The following BNC2 variants were observed in gnomAD, a reference collection of about 807,000 sequenced individuals.
BNC2 encodes the protein basonuclin zinc finger protein 2, also known as zinc finger protein basonuclin-2.
A neutral mutation model predicts 76.3 loss-of-function variants in BNC2; 20 were observed. The observed-to-expected ratio is 0.26, with a 90% CI of 0.18 to 0.38. The LOEUF (loss-of-function observed/expected upper bound fraction) is 0.38. Ranked by LOEUF, BNC2 falls within the 10% of genes least tolerant of loss-of-function variation. The pLI, the probability that BNC2 is intolerant of heterozygous loss-of-function variation, is 1.00. For missense variants in BNC2, 1,382 were observed against 1,399.8 expected, an observed-to-expected ratio of 0.99 and a Z score of 0.20; for synonymous variants, 582 against 514.8, an observed-to-expected ratio of 1.13 and a Z score of -1.77.
intron 1 of BNC2, among the ~76,000 whole-genome samples, chr9:16,819,280 A>C (rs1200372170): frequency 1.3e-5 from 2 of 152,226 alleles, no homozygotes; most frequent in Non-Finnish European, 1.5e-5. Flanking sequence ...TACTAGTTGG[A>C]AATGTGTCAT....
rs376130775 is a variant in BNC2, at chr9:16,835,729, A to G, written c.3+34917T>C. 4.5e-3 allele frequency among the ~76,000 whole-genome samples: 689 copies of G among 152,282 alleles called. 1 individual carries two copies. Among genetic ancestry groups the G allele is most frequent in the African/African-American group, 0.015 (623 of 41,564 alleles). ...GAAAAAATAAAAAATCGTGTACTTA[A>G]TATCTATCTAGCAGAAAACTATTGT... On this transcript the variant is annotated intron_variant, in intron 1 of 6. Transcript: ENST00000380672.
chr9:16,696,157 A>C lies in BNC2; in HGVS notation c.330+31640T>G, dbSNP rs116256994. 1.6e-3 allele frequency among the ~76,000 whole-genome samples: 237 copies of C among 152,260 alleles called. 1 individual carries two copies. Among genetic ancestry groups the C allele is most frequent in the African/African-American group, 5.6e-3 (232 of 41,554 alleles). On this transcript the variant is annotated intron_variant, in intron 3 of 6. Coordinates refer to ENST00000380672, the MANE Select transcript of BNC2 (RefSeq NM_017637.6). Reference sequence around the variant, plus strand: ...CTGACTTTATCATTCCATACTTGCCAACTAGTGCTATACACCACCCCTCCA... The same window carrying C: ...CTGACTTTATCATTCCATACTTGCCCACTAGTGCTATACACCACCCCTCCA...
chr9:16,694,003 G>C (rs1465803759), intron 3 of BNC2, among the ~76,000 whole-genome samples: 1 of 152,220 alleles, frequency 6.6e-6, no homozygotes, highest in Non-Finnish European at 1.5e-5. Flanking sequence ...AATGAGGAAA[G>C]AGACTGCCTT....
At chr9:16,790,159 G>GGA (rs1467344257) in intron 1 of BNC2, among the ~76,000 whole-genome samples, 20 of 152,206 alleles carry the variant, frequency 1.3e-4, no homozygotes, top group African/African-American at 4.3e-4. Context: ...ACCATGCCTG[G>GGA]CTAATTTTTT....
chr9:16,834,499 C>G (rs1818656866), intron 1 of BNC2, among the ~76,000 whole-genome samples: 1 of 152,192 alleles, frequency 6.6e-6, no homozygotes, highest in Non-Finnish European at 1.5e-5. Flanking sequence ...TACCAGCTGC[C>G]TGACCATAGC....
intron 5 of BNC2, among the ~76,000 whole-genome samples, chr9:16,539,260 C>T (rs1289242667): frequency 3.3e-5 from 5 of 151,972 alleles, no homozygotes; most frequent in Non-Finnish European, 4.4e-5. Context: ...CGTCTGTAAC[C>T]CCTAACCCCA....
chr9:16,468,460 A>G (rs927897172), intron 5 of BNC2, among the ~76,000 whole-genome samples: 2 of 151,850 alleles, frequency 1.3e-5, no homozygotes, highest in African/African-American at 4.8e-5. Flanking sequence ...CAGAGGCATG[A>G]TCTCGGCTCA....
At position 16,731,123 on chromosome 9, in the gene BNC2, A is replaced by G. The variant is rs549665605; in HGVS notation, c.130-3126T>C. 3.1e-4 allele frequency among the ~76,000 whole-genome samples: 47 copies of G among 152,344 alleles called. No homozygotes were observed. In the South Asian group the frequency reaches 9.3e-3, roughly 30 times the overall value. ...TTTACAGACACAGGTACAAAAAAAT[A>G]CACCTACAAGGCACAAATATGTCTT... On this transcript the variant is annotated intron_variant, in intron 2 of 6. Transcript: ENST00000380672.
intron 3 of BNC2, among the ~76,000 whole-genome samples, chr9:16,597,444 G>A (rs895425579): frequency 2.6e-5 from 4 of 152,080 alleles, no homozygotes; most frequent in African/African-American, 9.7e-5. Flanking sequence ...CTAATGGGGA[G>A]AGTACAAACC....
chr9:16,652,122 C>A (rs1232569277), intron 3 of BNC2, among the ~76,000 whole-genome samples: 1 of 152,152 alleles, frequency 6.6e-6, no homozygotes. Context: ...TCAGCTGTTT[C>A]TAACCTCAAA....
intron 3 of BNC2, among the ~76,000 whole-genome samples, chr9:16,646,197 A>C (rs1447831526): frequency 6.6e-6 from 1 of 152,216 alleles, no homozygotes; most frequent in Non-Finnish European, 1.5e-5. Context: ...AAGAATACCC[A>C]GAAGCCTGAG....
chr9:16,529,926 A>G (rs1817924525), intron 5 of BNC2, among the ~76,000 whole-genome samples: 1 of 152,114 alleles, frequency 6.6e-6, no homozygotes, highest in Non-Finnish European at 1.5e-5. Context: ...GCGGCTCACC[A>G]CAACCTCTGC....
At chr9:16,580,969 C>G (rs755231766) in intron 4 of BNC2, among the ~76,000 whole-genome samples, 12 of 152,142 alleles carry the variant, frequency 7.9e-5, no homozygotes, top group Non-Finnish European at 1.5e-4. Context: ...TCAGAACAGT[C>G]TACAACCAAA....
At chr9:16,536,022 C>A (rs1404187351) in intron 5 of BNC2, among the ~76,000 whole-genome samples, 1 of 152,108 alleles carries the variant, frequency 6.6e-6, no homozygotes, top group Non-Finnish European at 1.5e-5. Flanking sequence ...CATCCTAGAC[C>A]AACCAACCCC....
At chr9:16,498,709 C>A (rs7035687) in intron 5 of BNC2, among the ~76,000 whole-genome samples, 36,022 of 150,908 alleles carry the variant, frequency 0.24, 5,287 homozygotes, top group African/African-American at 0.41. Flanking sequence ...AAAAGACCCC[C>A]AAAAAATTAT....
At chr9:16,460,486 G>A (rs895947316) in intron 5 of BNC2, among the ~76,000 whole-genome samples, 1 of 152,114 alleles carries the variant, frequency 6.6e-6, no homozygotes, top group African/African-American at 2.4e-5. Context: ...AGCCAGGTGT[G>A]ATGGTGCAAG....
At chr9:16,590,802 T>A (rs537436424) in intron 3 of BNC2, among the ~76,000 whole-genome samples, 1 of 152,088 alleles carries the variant, frequency 6.6e-6, no homozygotes, top group South Asian at 2.1e-4. Context: ...AGTGAGACCT[T>A]CATCTCACAC....
At chr9:16,454,915 T>C (rs138560378) in intron 5 of BNC2, among the ~76,000 whole-genome samples, 5 of 152,344 alleles carry the variant, frequency 3.3e-5, no homozygotes, top group African/African-American at 1.2e-4. Context: ...TTAGTTCATT[T>C]GTTACAGAAT....
At chr9:16,767,966 T>C (rs1825740382) in intron 1 of BNC2, among the ~76,000 whole-genome samples, 1 of 91,668 alleles carries the variant, frequency 1.1e-5, no homozygotes, top group South Asian at 3.9e-4. Flanking sequence ...GGTTATGCAA[T>C]TTTTTTTTTT....
Sources: gnomAD v4.1 joint callset for allele counts (sites outside exome capture counted in the v4.1 genomes callset) on GRCh38, gnomAD v4.1.1 for gene constraint, MANE v1.5 for transcripts, NCBI Gene and HGNC (gene_info 2026-07-23, HGNC 2026-07-21) for gene names.